Variants in RAVER1 observed in about 807,000 individuals in gnomAD.
RAVER1 encodes ribonucleoprotein PTB-binding 1.
RAVER1 carries 36 observed loss-of-function variants against 68.4 expected under a neutral mutation model. The observed-to-expected ratio is 0.53, with a 90% CI of 0.40 to 0.70. The LOEUF is 0.70. Among genes scored for constraint, RAVER1 ranks in the 30% least tolerant of loss-of-function variants. The probability of loss-of-function intolerance (pLI) is 0.00; values close to 1 mark genes in which losing one functional copy is unlikely to be tolerated. For missense variants in RAVER1, 933 were observed against 1,019.8 expected, an observed-to-expected ratio of 0.91 and a Z score of 1.16; for synonymous variants, 469 against 472.7, an observed-to-expected ratio of 0.99 and a Z score of 0.10.
chr19:10,322,613 A>T lies in RAVER1; in HGVS notation c.1173+32T>A. 1 of 1,418,994 alleles carries T rather than the reference A, an allele frequency of 7.0e-7. No homozygotes were observed. The highest frequency in any genetic ancestry group is 1.4e-5 in the South Asian group (1 of 73,924). 87.9% of individuals were successfully genotyped at this position (1,418,994 alleles called of 1,614,324 possible). A position where few individuals can be genotyped will look rare whatever the true frequency, so the allele number is the denominator to read the frequency against. On this transcript the variant is annotated intron_variant, in intron 6 of 12. Transcript: ENST00000617231. This position sits in a 1 kb window ranked among gnomAD's most constrained non-coding sequence, Gnocchi z 4.3. Reference sequence around the variant, plus strand: ...GTTGAAAAGAGCCTGTAGGGGCTGTAGAGCAGTGGGTGAGGGGGATGCGTG... The same window carrying T: ...GTTGAAAAGAGCCTGTAGGGGCTGTTGAGCAGTGGGTGAGGGGGATGCGTG...
chr19:10,320,965 G>A lies in RAVER1; in HGVS notation c.1474-14C>T. ...CAGCAGTGAGACCTGTGGCGGGAAG[G>A]CAGGATTCGAGAGGGCCCCCGGGAG... is the stretch of plus-strand genomic sequence containing the variant. On this transcript the variant is annotated splice_polypyrimidine_tract_variant and intron_variant, in intron 8 of 12. Transcript: ENST00000617231. 6.7e-7 allele frequency: 1 copy of A among 1,490,740 alleles called. No individual in the cohort carries two copies. The highest frequency in any genetic ancestry group is 8.9e-7 in the Non-Finnish European group (1 of 1,127,790). 92.3% of individuals were successfully genotyped at this position (1,490,740 alleles called of 1,614,324 possible). A position where few individuals can be genotyped will look rare whatever the true frequency, so the allele number is the denominator to read the frequency against.
At position 10,317,144 on chromosome 19, in the gene RAVER1, A is replaced by T. The variant is rs979766070; in HGVS notation, c.*310T>A. 2.9e-4 allele frequency: 122 copies of T among 417,556 alleles called. No individual in the cohort carries two copies. Among genetic ancestry groups the T allele is most frequent in the Middle Eastern group, 2.0e-3 (3 of 1,504 alleles). The allele number at this position is 417,556 out of a possible 1,614,324, so 25.9% of individuals were successfully genotyped here. The stretch of plus-strand genomic sequence containing the variant: ...GCCAAAATTACAGGAGCAATGAGGC[A>T]GGAGGGCTCCGGAGAGACGGGCACA... On this transcript the variant is annotated 3_prime_UTR_variant, in exon 13 of 13. Coordinates refer to ENST00000617231, the MANE Select transcript of RAVER1 (RefSeq NM_133452.3). The surrounding 1 kb of genome is among the most constrained non-coding windows in gnomAD (Gnocchi z 4.3).
At chr19:10,325,836 A>G (rs2040470704) in intron 3 of RAVER1, among the ~76,000 whole-genome samples, 1 of 152,006 alleles carries the variant, frequency 6.6e-6, no homozygotes, top group African/African-American at 2.4e-5. Flanking sequence ...GAGTGGAGGA[A>G]TGAATGGGCA....
At chr19:10,325,024 T>C (rs2040464277) in intron 3 of RAVER1, among the ~76,000 whole-genome samples, 1 of 146,370 alleles carries the variant, frequency 6.8e-6, no homozygotes, top group Non-Finnish European at 1.5e-5. Context: ...CATCTTCACA[T>C]AATTTTTTTT....
chr19:10,331,376 A>T (rs2040515762), intron 1 of RAVER1, among the ~76,000 whole-genome samples: 2 of 131,012 alleles, frequency 1.5e-5, no homozygotes, highest in South Asian at 4.8e-4. Flanking sequence ...AAAAAAAAAA[A>T]AAAAAAATAA....
Position 10,333,160 on chromosome 19 carries a change from C to T in RAVER1, c.219+129G>A. ...CCGCTCTTGGTCTCTCCCGATCCCG[C>T]GTGGATCCGGTGCTTGGGCGCCCCC... is the stretch of plus-strand genomic sequence containing the variant. On this transcript the variant is annotated intron_variant, in intron 1 of 12. Transcript: ENST00000617231. The surrounding 1 kb of genome is among the most constrained non-coding windows in gnomAD (Gnocchi z 4.2). The T allele has an allele frequency of 1.1e-6, 1 of 884,902 alleles. No individual in the cohort carries two copies. The highest frequency in any genetic ancestry group is 1.7e-6 in the Non-Finnish European group (1 of 590,538). The allele number at this position is 884,902 out of a possible 1,614,324, so 54.8% of individuals were successfully genotyped here.
chr19:10,331,355 T>C (rs2040514937), intron 1 of RAVER1, among the ~76,000 whole-genome samples: 1 of 23,822 alleles, frequency 4.2e-5, no homozygotes, highest in Non-Finnish European at 6.7e-5. Context: ...AGACTCCGTC[T>C]CAAAAAAAAA....
intron 3 of RAVER1, among the ~76,000 whole-genome samples, chr19:10,326,073 C>T (rs55925728): frequency 0.034 from 5,182 of 151,966 alleles, 98 homozygotes; most frequent in East Asian, 0.049. Flanking sequence ...CTGGCCAACA[C>T]GGCGAAACCC....
intron 7 of RAVER1, 41 bp from the exon 8 acceptor site, chr19:10,321,300 G>C: frequency 9.3e-7 from 1 of 1,074,768 alleles, no homozygotes. Context: ...AGGCTCACAG[G>C]ACCCCTCTCC....
chr19:10,317,922 C>A lies in RAVER1; in HGVS notation c.1990-149G>T. 1 of 663,530 alleles carries A rather than the reference C, an allele frequency of 1.5e-6. No individual in the cohort carries two copies. Among genetic ancestry groups the A allele is most frequent in the South Asian group, 1.7e-5 (1 of 57,794 alleles). The allele number at this position is 663,530 out of a possible 1,614,324, so 41.1% of individuals were successfully genotyped here. A position where few individuals can be genotyped will look rare whatever the true frequency, so the allele number is the denominator to read the frequency against. ...TTCTGCTACTTTCTAGCTATAAGAC[C>A]TAGGGCCAATTGCTCCATTTTATTT... On this transcript the variant is annotated intron_variant, in intron 11 of 12. Coordinates refer to ENST00000617231, the MANE Select transcript of RAVER1 (RefSeq NM_133452.3). This position sits in a 1 kb window ranked among gnomAD's most constrained non-coding sequence, Gnocchi z 4.3.
rs780074547 is a variant in RAVER1 at position 10,321,612 on chromosome 19, CG to C, written c.1179del (p.Gly394AlafsTer113). 2 of 1,411,436 alleles carry C rather than the reference CG, an allele frequency of 1.4e-6. No homozygotes were observed. The highest frequency in any genetic ancestry group is 1.9e-6 in the Non-Finnish European group (2 of 1,078,150). The allele number at this position is 1,411,436 out of a possible 1,614,324, so 87.4% of individuals were successfully genotyped here. On this transcript the variant is annotated frameshift_variant, in exon 7 of 13. Coordinates refer to ENST00000617231, the MANE Select transcript of RAVER1 (RefSeq NM_133452.3). LOFTEE classifies it high-confidence loss of function. ...LALQTQGQKKPGILGDSPLGA... is the reference protein window; with the variant it reads ...LALQTQGQKKXGILGDSPLGA... The stretch of plus-strand genomic sequence containing the variant: ...CCCAGGGGTGAGTCTCCCAGGATGC[CG>C]GGCTTCTAGGGACAGAGCACAGACA...
Position 10,329,384 on chromosome 19 carries a change from T to C in RAVER1, c.287-273A>G, listed in dbSNP as rs2040498224. On this transcript the variant is annotated intron_variant, in intron 2 of 12. Coordinates refer to ENST00000617231, the MANE Select transcript of RAVER1 (RefSeq NM_133452.3). This position sits in a 1 kb window ranked among gnomAD's most constrained non-coding sequence, Gnocchi z 4.6. The stretch of plus-strand genomic sequence containing the variant: ...GGGCCTGGCTCTGTCCTAAGAACGC[T>C]GTGGGTCACTCGGGTGATACCAAGG... Among the ~76,000 whole-genome samples the C allele has an allele frequency of 6.6e-6, 1 of 152,234 alleles. No individual in the cohort carries two copies. Among genetic ancestry groups the C allele is most frequent in the African/African-American group, 2.4e-5 (1 of 41,458 alleles).
chr19:10,323,309 C>A lies in RAVER1; in HGVS notation c.949-35G>T. On this transcript the variant is annotated intron_variant, in intron 4 of 12. Coordinates refer to ENST00000617231, the MANE Select transcript of RAVER1 (RefSeq NM_133452.3). The surrounding 1 kb of genome is among the most constrained non-coding windows in gnomAD (Gnocchi z 6.2). ...GGAACAGAAGCAGCTCAGAGTGCCG[C>A]TGGGGCCCTGACATCCCCATGGGGC... is the stretch of plus-strand genomic sequence containing the variant. The A allele has an allele frequency of 6.2e-7, 1 of 1,612,376 alleles. No individual in the cohort carries two copies. Among genetic ancestry groups the A allele is most frequent in the African/African-American group, 1.3e-5 (1 of 74,996 alleles).
In RAVER1 at chr19:10,333,480, G is replaced by A. The variant is rs748751957; in HGVS notation, c.28C>T (p.Arg10Trp). MAADVSVTH[R>W]PPLSPKSGAE... ...CCAGACTTAGGGCTCAGCGGGGGCCGGTGAGTAACGGACACGTCCGCCGCC... is the reference window on the plus strand; with the variant it reads ...CCAGACTTAGGGCTCAGCGGGGGCCAGTGAGTAACGGACACGTCCGCCGCC... The change falls in exon 1 of 13, where the codon CGG becomes TGG. Residue 10 changes from arginine to tryptophan, a missense_variant. By Grantham distance (101) the Arg-to-Trp change is moderately radical. Around this residue, in one of 3 missense-constraint regions of RAVER1, gnomAD observed 211 missense variants for 230.0 expected, o/e 0.92. Transcript: ENST00000617231. This position sits in a 1 kb window ranked among gnomAD's most constrained non-coding sequence, Gnocchi z 4.2. 1.2e-6 allele frequency: 2 copies of A among 1,608,636 alleles called. No homozygotes were observed. Among genetic ancestry groups the A allele is most frequent in the African/African-American group, 1.3e-5 (1 of 74,852 alleles).
chr19:10,322,731 C>A lies in RAVER1; in HGVS notation c.1087G>T (p.Gly363Cys). The part of the protein sequence containing the change: ...GSAGGKQGLL[G>C]APPAMPLLNG... ...AGCAGCGGCATGGCTGGGGGGGCAC[C>A]CAGGAGGCCTGGAGGGAGACATAGG... The change falls in exon 6 of 13, where the codon GGT becomes TGT. Residue 363 changes from glycine (G) to cysteine (C), a missense_variant. By Grantham distance (159) the Gly-to-Cys change is radical. Coordinates refer to ENST00000617231, the MANE Select transcript of RAVER1 (RefSeq NM_133452.3). The surrounding 1 kb of genome is among the most constrained non-coding windows in gnomAD (Gnocchi z 4.3). 6.7e-7 allele frequency: 1 copy of A among 1,501,782 alleles called. No homozygotes were observed. The highest frequency in any genetic ancestry group is 8.8e-7 in the Non-Finnish European group (1 of 1,135,090). 93.0% of individuals were successfully genotyped at this position (1,501,782 alleles called of 1,614,324 possible).
Position 10,317,502 on chromosome 19 carries a change from G to A in RAVER1, c.2172C>T (p.Leu724=), listed in dbSNP as rs771477320. The A allele has an allele frequency of 6.8e-6, 11 of 1,613,552 alleles. No individual in the cohort carries two copies. Among genetic ancestry groups the A allele is most frequent in the Admixed American group, 3.3e-5 (2 of 59,996 alleles). Residue 724 remains leucine, a synonymous_variant, in exon 13 of 13, where the codon CTC becomes CTT. Transcript: ENST00000617231. This position sits in a 1 kb window ranked among gnomAD's most constrained non-coding sequence, Gnocchi z 4.3. ...GGTAGGAGTCCGCGTAGTGGCCGCC[G>A]AGGCCCTGGGAGTGCTGGCCCACAT... ...GSYVGQHSQG[L]GGHYADSYLK...
intron 1 of RAVER1, among the ~76,000 whole-genome samples, chr19:10,331,915 G>C (rs2040521636): frequency 6.6e-6 from 1 of 152,148 alleles, no homozygotes; most frequent in Non-Finnish European, 1.5e-5. Context: ...CCACCTTCTA[G>C]TAAGCCCCAC....
rs1329915127 is a variant in RAVER1, at chr19:10,322,378, T to C, written c.1173+267A>G. The C allele has an allele frequency of 8.8e-6, 4 of 451,980 alleles. No homozygotes were observed. Among genetic ancestry groups the C allele is most frequent in the Non-Finnish European group, 1.6e-5 (4 of 257,442 alleles). 28.0% of individuals were successfully genotyped at this position (451,980 alleles called of 1,614,324 possible). On this transcript the variant is annotated intron_variant, in intron 6 of 12. Transcript: ENST00000617231. This position sits in a 1 kb window ranked among gnomAD's most constrained non-coding sequence, Gnocchi z 4.3. ...CCCAGTTTCAGGCTGTAAATGGGCG[T>C]GTCCAGGTCCCCTGACCCCACCCCA...
intron 6 of RAVER1, 132 bp from the exon 7 acceptor site, chr19:10,321,750 T>G: frequency 3.5e-6 from 2 of 576,618 alleles, no homozygotes; most frequent in Non-Finnish European, 5.4e-6. Flanking sequence ...AGGCACAGGG[T>G]TCCCCAGTGC....
Sources: gnomAD v4.1 joint callset for allele counts (sites outside exome capture counted in the v4.1 genomes callset) on GRCh38, gnomAD v4.1.1 for gene constraint, gnomAD v4.1.1 regional missense constraint, Gnocchi (gnomAD v3.1) non-coding constraint, MANE v1.5 for transcripts, NCBI Gene and HGNC (gene_info 2026-07-23, HGNC 2026-07-21) for gene names.